Variants in FAM20C observed in about 807,000 individuals in gnomAD.
The protein encoded by FAM20C is FAM20C golgi associated secretory pathway kinase, also known as extracellular serine/threonine protein kinase FAM20C.
In FAM20C, 40 loss-of-function variants were observed where a neutral mutation model predicts 51.5. That is an observed-to-expected ratio of 0.78 (90% CI 0.60 to 1.01). The LOEUF is 1.01. Ranked by LOEUF, FAM20C falls within the 50% of genes least tolerant of loss-of-function variation. FAM20C has a pLI of 0.00. For missense variants in FAM20C, 861 were observed against 844.7 expected, an observed-to-expected ratio of 1.02 and a Z score of -0.24; for synonymous variants, 406 against 380.6, an observed-to-expected ratio of 1.07 and a Z score of -0.78.
intron 3 of FAM20C, among the ~76,000 whole-genome samples, chr7:234,941 G>A (rs903037881): frequency 0.024 from 3,711 of 152,214 alleles, 56 homozygotes; most frequent in East Asian, 0.082. Context: ...TCTCAGCTGC[G>A]TTGCAACCCT....
Position 218,753 on chromosome 7 carries a change from C to T in FAM20C, c.863+9777C>T, listed in dbSNP as rs1006897107. Among the ~76,000 whole-genome samples, 8 of 152,192 alleles carry T rather than the reference C, an allele frequency of 5.3e-5. 1 individual carries two copies. The highest frequency in any genetic ancestry group is 1.9e-4 in the African/African-American group (8 of 41,442). ...AGGTGGGAGAGGTGACAGGAGCTGA[C>T]ACAGGCCCAGGACGCACAGATCACT... On this transcript the variant is annotated intron_variant, in intron 3 of 9. Transcript: ENST00000313766.
chr7:250,562 G>C (rs1788356444), intron 5 of FAM20C, among the ~76,000 whole-genome samples: 1 of 152,188 alleles, frequency 6.6e-6, no homozygotes, highest in Admixed American at 6.5e-5. Flanking sequence ...GATGGCTTGA[G>C]CTGTCCATCT....
chr7:256,388 C>T, intron 6 of FAM20C: 1 of 573,448 alleles, frequency 1.7e-6, no homozygotes, highest in Non-Finnish European at 3.1e-6. Context: ...AGTCCAGGTC[C>T]TGTTTCCCCA....
rs1381777447 is a variant in FAM20C, at chr7:193,539, G to T, written c.340G>T (p.Ala114Ser). Reference sequence around the variant, plus strand: ...CTCGCTGGAGAAACTGCCGCCCGCGGCCGAGCCGGCCGAGCGCGCCTTGCG... The same window carrying T: ...CTCGCTGGAGAAACTGCCGCCCGCGTCCGAGCCGGCCGAGCGCGCCTTGCG... ...SHSLEKLPPA[A>S]EPAERALRGR... The change falls in exon 1 of 10, where the codon GCC (alanine) becomes TCC (serine). Residue 114 changes from alanine (A) to serine (S), a missense_variant. Coordinates refer to ENST00000313766, the MANE Select transcript of FAM20C (RefSeq NM_020223.4). 2.0e-6 allele frequency: 3 copies of T among 1,493,836 alleles called. No individual in the cohort carries two copies. The highest frequency in any genetic ancestry group is 1.8e-4 in the Middle Eastern group (1 of 5,658). The allele number at this position is 1,493,836 out of a possible 1,614,324, so 92.5% of individuals were successfully genotyped here.
intron 3 of FAM20C, chr7:229,306 ATAAT>A (rs1787569425): frequency 5.2e-6 from 1 of 192,030 alleles, no homozygotes; most frequent in Non-Finnish European, 1.1e-5. Context: ...TGGTGTATAA[ATAAT>A]TCCGCACATC....
intron 3 of FAM20C, among the ~76,000 whole-genome samples, chr7:232,776 G>A (rs982159132): frequency 2.0e-5 from 3 of 152,228 alleles, no homozygotes; most frequent in Non-Finnish European, 4.4e-5. Flanking sequence ...CCTCGGCCGT[G>A]CCGGGATCGT....
intron 9 of FAM20C, among the ~76,000 whole-genome samples, chr7:259,521 T>A (rs942054505): frequency 7.5e-6 from 1 of 132,782 alleles, no homozygotes; most frequent in African/African-American, 4.2e-5. Flanking sequence ...TGTCTGTCTC[T>A]GTCTGTCTGC....
chr7:255,028 C>T (rs1476171966), intron 5 of FAM20C, among the ~76,000 whole-genome samples: 1 of 152,162 alleles, frequency 6.6e-6, no homozygotes, highest in Non-Finnish European at 1.5e-5. Flanking sequence ...TCTTTTTCGG[C>T]TGTGGTGAGC....
rs758646891 is a variant in FAM20C, at chr7:195,652, G to A, written c.704G>A (p.Arg235Gln). The change falls in exon 2 of 10, where the codon CGG (arginine) becomes CAG (glutamine). Residue 235 changes from arginine to glutamine, a missense_variant. By Grantham distance (43) the Arg-to-Gln change is conservative. Transcript: ENST00000313766. ...CTCAAGTTCCACATTGGTATCAACC[G>A]GTACGAGCTGTACTCCAGACACAAC... is the stretch of plus-strand genomic sequence containing the variant. ...NWLKFHIGIN[R>Q]YELYSRHNPA... The A allele has an allele frequency of 1.5e-5, 24 of 1,611,084 alleles. No individual in the cohort carries two copies. Among genetic ancestry groups the A allele is most frequent in the East Asian group, 2.2e-5 (1 of 44,742 alleles).
intron 5 of FAM20C, among the ~76,000 whole-genome samples, chr7:251,066 A>G (rs1247839906): frequency 6.6e-6 from 1 of 152,194 alleles, no homozygotes; most frequent in Non-Finnish European, 1.5e-5. Flanking sequence ...TGCTCAGAGC[A>G]GCATCTCCGG....
chr7:205,775 C>T (rs532209773), intron 2 of FAM20C, among the ~76,000 whole-genome samples: 29 of 152,210 alleles, frequency 1.9e-4, no homozygotes, highest in Admixed American at 3.9e-4. Context: ...CGCCCTCCCC[C>T]GTGCTCCTGG....
intron 3 of FAM20C, among the ~76,000 whole-genome samples, chr7:212,409 G>A (rs970077466): frequency 7.9e-5 from 12 of 152,212 alleles, no homozygotes; most frequent in African/African-American, 2.7e-4. Flanking sequence ...GTTACAGTGA[G>A]CCGAGCTGAC....
chr7:223,735 C>T (rs62430327), intron 3 of FAM20C, among the ~76,000 whole-genome samples: 8,605 of 152,342 alleles, frequency 0.056, 290 homozygotes, highest in Non-Finnish European at 0.085. Flanking sequence ...TTGGCCTTGC[C>T]GGCCCCAGGT....
At chr7:228,446 G>C (rs966674635) in intron 3 of FAM20C, 6 of 456,086 alleles carry the variant, frequency 1.3e-5, no homozygotes, top group African/African-American at 1.2e-4. Flanking sequence ...CCACCCAGGG[G>C]GCTGGTGTCA....
intron 3 of FAM20C, among the ~76,000 whole-genome samples, chr7:215,202 G>A (rs72503873): frequency 0.096 from 13,080 of 136,210 alleles, 921 homozygotes; most frequent in Admixed American, 0.18. Flanking sequence ...AGTGAGCACC[G>A]TACCACAGAG....
chr7:259,102 C>T (rs1448447160), intron 9 of FAM20C, among the ~76,000 whole-genome samples: 1 of 152,228 alleles, frequency 6.6e-6, no homozygotes, highest in Non-Finnish European at 1.5e-5. Flanking sequence ...GCTGGGGACG[C>T]AGGCTTGCAG....
At position 246,166 on chromosome 7, in the gene FAM20C, A is replaced by C. The variant is rs1336162708; in HGVS notation, c.864-249A>C. 3.2e-5 allele frequency: 15 copies of C among 466,642 alleles called. No homozygotes were observed. In the East Asian group the frequency reaches 5.8e-4, roughly 18 times the overall value. The allele number at this position is 466,642 out of a possible 1,614,324, so 28.9% of individuals were successfully genotyped here. On this transcript the variant is annotated intron_variant, in intron 3 of 9. Transcript: ENST00000313766. ...CGTCGCAAGGGCCTGCGCTGCTCTG[A>C]GGGCCCGTCGGCAGCTGGGTCAGGG...
intron 3 of FAM20C, among the ~76,000 whole-genome samples, chr7:234,077 C>T (rs1787778102): frequency 6.6e-6 from 1 of 152,238 alleles, no homozygotes. Context: ...CTTCCTGCCC[C>T]TGCCTTTCTG....
intron 3 of FAM20C, among the ~76,000 whole-genome samples, chr7:231,291 C>T (rs1009103371): frequency 2.1e-4 from 32 of 152,096 alleles, no homozygotes; most frequent in African/African-American, 4.1e-4. Context: ...CCGGGGTGGC[C>T]GGGGCGGGAG....
Sources: allele counts gnomAD v4.1 joint callset (sites outside exome capture counted in the v4.1 genomes callset), GRCh38; gene constraint gnomAD v4.1.1; transcripts MANE v1.5; gene names NCBI Gene and HGNC (gene_info 2026-07-23, HGNC 2026-07-21).